Variants in TWIST2 observed in about 807,000 individuals in gnomAD.
TWIST2 encodes twist-related protein 2.
A neutral mutation model predicts 11.6 loss-of-function variants in TWIST2; 1 was observed. The ratio of observed to expected loss-of-function variants is 0.09; its 90% CI spans 0.03 to 0.41. The LOEUF is 0.41. TWIST2 is among the 10% of genes least tolerant of loss of function. The pLI, the probability that TWIST2 is intolerant of heterozygous loss-of-function variation, is 0.98. For synonymous variants in TWIST2, 87 were observed against 96.6 expected, an observed-to-expected ratio of 0.90 and a Z score of 0.58; for missense variants, 168 against 226.4, an observed-to-expected ratio of 0.74 and a Z score of 1.66.
Position 238,864,766 on chromosome 2 carries a change from C to T in TWIST2, c.*35+16033C>T, listed in dbSNP as rs146801953. 7.4e-4 allele frequency among the ~76,000 whole-genome samples: 113 copies of T among 152,290 alleles called. 2 individuals carry two copies. In the East Asian group the frequency reaches 0.018, roughly 25 times the overall value. Reference sequence around the variant, plus strand: ...GGTATAGGCACCCACCAGGCCTGCACCCTACCCTGGGAAACACCTGTGGGG... The same window carrying T: ...GGTATAGGCACCCACCAGGCCTGCATCCTACCCTGGGAAACACCTGTGGGG... On this transcript the variant is annotated intron_variant, in intron 1 of 1. Coordinates refer to ENST00000612363, the MANE Select transcript of TWIST2 (RefSeq NM_001271893.4). The surrounding 1 kb of genome is among the most constrained non-coding windows in gnomAD (Gnocchi z 4.7).
intron 1 of TWIST2, among the ~76,000 whole-genome samples, chr2:238,885,671 C>T (rs1456405607): frequency 6.6e-6 from 1 of 152,030 alleles, no homozygotes; most frequent in Non-Finnish European, 1.5e-5. Context: ...TTTGGCTAGC[C>T]CTGGGGAGAT....
At chr2:238,875,555 G>T (rs951763106) in intron 1 of TWIST2, among the ~76,000 whole-genome samples, 39 of 152,164 alleles carry the variant, frequency 2.6e-4, no homozygotes, top group African/African-American at 7.7e-4. Context: ...TTGCTTTGTT[G>T]GGAAGCTATG....
chr2:238,906,470 A>T (rs1693357418), intron 1 of TWIST2, among the ~76,000 whole-genome samples: 1 of 152,094 alleles, frequency 6.6e-6, no homozygotes, highest in Non-Finnish European at 1.5e-5. Flanking sequence ...TGACACTCCC[A>T]CAGGGACACA....
chr2:238,894,526 G>A (rs1360450055), intron 1 of TWIST2, among the ~76,000 whole-genome samples: 3 of 152,340 alleles, frequency 2.0e-5, no homozygotes, highest in South Asian at 4.1e-4. Context: ...GCCCCACCTC[G>A]GGGTCTGTCC....
At chr2:238,907,468 G>A (rs957677290) in intron 1 of TWIST2, among the ~76,000 whole-genome samples, 46 of 152,262 alleles carry the variant, frequency 3.0e-4, no homozygotes, top group Non-Finnish European at 5.6e-4. Context: ...GCGCCTGAGC[G>A]GGTTCTTTCC....
In TWIST2 at chr2:238,870,156, C is replaced by CA. The variant is rs1559273485; in HGVS notation, c.*35+21423_*35+21424insA. On this transcript the variant is annotated intron_variant, in intron 1 of 1. Coordinates refer to ENST00000612363, the MANE Select transcript of TWIST2 (RefSeq NM_001271893.4). ...CACACCACACCCCATACACACCACA[C>CA]CCCACACACACCACACACCCCACAC... is the stretch of plus-strand genomic sequence containing the variant. 1.0e-3 allele frequency among the ~76,000 whole-genome samples: 144 copies of CA among 140,424 alleles called. 1 individual carries two copies. Among genetic ancestry groups the CA allele is most frequent in the African/African-American group, 2.3e-3 (83 of 35,674 alleles). 92.1% of individuals were successfully genotyped at this position (140,424 alleles called of 152,430 possible). A position where few individuals can be genotyped will look rare whatever the true frequency, so the allele number is the denominator to read the frequency against.
At chr2:238,868,353 G>A (rs756198263) in intron 1 of TWIST2, among the ~76,000 whole-genome samples, 4 of 152,132 alleles carry the variant, frequency 2.6e-5, no homozygotes, top group African/African-American at 7.2e-5. Flanking sequence ...GGTAAGCGTC[G>A]GGCTTCTGTC....
intron 1 of TWIST2, among the ~76,000 whole-genome samples, chr2:238,897,856 T>C (rs1693223777): frequency 1.3e-5 from 2 of 152,174 alleles, no homozygotes; most frequent in African/African-American, 4.8e-5. Context: ...TTTGAACCCT[T>C]ACCCAGATGG....
At chr2:238,848,792 A>G in intron 1 of TWIST2, 59 bp downstream of exon 1, 2 of 1,279,914 alleles carry the variant, frequency 1.6e-6, no homozygotes, top group Non-Finnish European at 2.0e-6. Flanking sequence ...GCAGGGGCGC[A>G]GGGGCATTGG....
rs1171260477 is a variant in TWIST2, at chr2:238,863,535, A to G, written c.*35+14802A>G. On this transcript the variant is annotated intron_variant, in intron 1 of 1. Coordinates refer to ENST00000612363, the MANE Select transcript of TWIST2 (RefSeq NM_001271893.4). This position sits in a 1 kb window ranked among gnomAD's most constrained non-coding sequence, Gnocchi z 4.7. ...CTGGGCAGTTCCCAAATGGCGCTTC[A>G]TGATGGGACTGGCGCTCATCCTCAC... 1.3e-5 allele frequency among the ~76,000 whole-genome samples: 2 copies of G among 152,168 alleles called. No individual in the cohort carries two copies. Among genetic ancestry groups the G allele is most frequent in the Admixed American group, 6.5e-5 (1 of 15,282 alleles).
intron 1 of TWIST2, among the ~76,000 whole-genome samples, chr2:238,869,545 A>C (rs1473173714): frequency 6.6e-6 from 1 of 152,182 alleles, no homozygotes; most frequent in African/African-American, 2.4e-5. Context: ...AAAGGCCTTA[A>C]ATAGGCATTT....
rs146400525 is a variant in TWIST2 at position 238,867,360 on chromosome 2, T to C, written c.*35+18627T>C. Reference sequence around the variant, plus strand: ...GAAGATTATTCTGGGGAGTAAAATGTCCTGCCTTCAACACACACACACACA... The same window carrying C: ...GAAGATTATTCTGGGGAGTAAAATGCCCTGCCTTCAACACACACACACACA... On this transcript the variant is annotated intron_variant, in intron 1 of 1. Transcript: ENST00000612363. The surrounding 1 kb of genome is among the most constrained non-coding windows in gnomAD (Gnocchi z 4.8). Among the ~76,000 whole-genome samples, 41,061 of 124,562 alleles carry C rather than the reference T, an allele frequency of 0.33. 6,449 individuals are homozygous for C. The highest frequency in any genetic ancestry group is 0.55 in the East Asian group (2,533 of 4,626). The allele number at this position is 124,562 out of a possible 152,430, so 81.7% of individuals were successfully genotyped here.
chr2:238,855,958 G>C (rs1249655352), intron 1 of TWIST2, among the ~76,000 whole-genome samples: 1 of 152,170 alleles, frequency 6.6e-6, no homozygotes, highest in Non-Finnish European at 1.5e-5. Flanking sequence ...CAGAACAGGA[G>C]TGCTCCAAAC....
At chr2:238,868,309 A>G (rs1692580317) in intron 1 of TWIST2, among the ~76,000 whole-genome samples, 1 of 152,182 alleles carries the variant, frequency 6.6e-6, no homozygotes, top group African/African-American at 2.4e-5. Context: ...TGACTGCCCA[A>G]GTGCCGGGAG....
intron 1 of TWIST2, among the ~76,000 whole-genome samples, chr2:238,884,801 G>T (rs1426198661): frequency 6.6e-6 from 1 of 152,230 alleles, no homozygotes; most frequent in East Asian, 1.9e-4. Context: ...CCGGAAGCAT[G>T]GCCGGAAAGT....
chr2:238,878,013 G>A (rs765898082), intron 1 of TWIST2, among the ~76,000 whole-genome samples: 236 of 152,292 alleles, frequency 1.5e-3, no homozygotes, highest in Non-Finnish European at 2.6e-3. Flanking sequence ...TCCTATTCAG[G>A]TACAGGGTAA....
At chr2:238,854,772 A>G (rs1182212524) in intron 1 of TWIST2, among the ~76,000 whole-genome samples, 1 of 152,184 alleles carries the variant, frequency 6.6e-6, no homozygotes, top group Non-Finnish European at 1.5e-5. Flanking sequence ...GACAGCTTGG[A>G]GCATGAACAA....
intron 1 of TWIST2, among the ~76,000 whole-genome samples, chr2:238,878,735 A>C (rs1350823540): frequency 6.6e-6 from 1 of 152,114 alleles, no homozygotes; most frequent in African/African-American, 2.4e-5. Context: ...TCTGAAACAC[A>C]GGCGCTAATA....
chr2:238,893,525 G>C (rs1195969567), intron 1 of TWIST2, among the ~76,000 whole-genome samples: 1 of 152,122 alleles, frequency 6.6e-6, no homozygotes, highest in South Asian at 2.1e-4. Context: ...AACAGGCCCC[G>C]GAGCCTGGAC....
Sources: allele counts gnomAD v4.1 joint callset (sites outside exome capture counted in the v4.1 genomes callset), GRCh38; gene constraint gnomAD v4.1.1; non-coding constraint Gnocchi (gnomAD v3.1); transcripts MANE v1.5; gene names NCBI Gene and HGNC (gene_info 2026-07-23, HGNC 2026-07-21).